The following ARHGEF28 variants were observed in gnomAD, a reference collection of about 807,000 sequenced individuals.
The protein encoded by ARHGEF28 is Rho guanine nucleotide exchange factor 28.
In ARHGEF28, 152 loss-of-function variants were observed where a neutral mutation model predicts 206.6. The observed-to-expected ratio is 0.74, with a 90% CI of 0.64 to 0.84. The LOEUF (loss-of-function observed/expected upper bound fraction) is 0.84, where lower values mean the gene tolerates loss of function less well. Ranked by LOEUF, ARHGEF28 falls within the 40% of genes least tolerant of loss-of-function variation. The pLI is 0.00. For missense variants in ARHGEF28, 2,028 were observed against 2,073.2 expected (o/e 0.98, Z 0.42); for synonymous variants, 763 against 776.4 (o/e 0.98, Z 0.29).
chr5:73,666,868 T>C (rs192400522), intron 1 of ARHGEF28, among the ~76,000 whole-genome samples: 27 of 152,318 alleles, frequency 1.8e-4, no homozygotes, highest in African/African-American at 6.3e-4. Context: ...AACATGAGCA[T>C]GCACAGTTGA....
rs1762923937 is a variant in ARHGEF28 at position 73,911,822 on chromosome 5, G to C, written c.4948+247G>C. ...GAATGCTCACAACATGTGAGAACCA[G>C]ACAGGATTTTTAGATGTGTGGGTTA... On this transcript the variant is annotated intron_variant, in intron 35 of 35. Transcript: ENST00000513042. The C allele has an allele frequency of 6.9e-6, 3 of 432,682 alleles. No individual in the cohort carries two copies. In the South Asian group the frequency reaches 1.5e-4, roughly 22 times the overall value. 26.8% of individuals were successfully genotyped at this position (432,682 alleles called of 1,614,324 possible).
At chr5:73,739,201 T>C (rs1751208235) in intron 2 of ARHGEF28, among the ~76,000 whole-genome samples, 1 of 152,174 alleles carries the variant, frequency 6.6e-6, no homozygotes, top group African/African-American at 2.4e-5. Flanking sequence ...TTATTATAAA[T>C]GTGTTCTTTA....
chr5:73,907,939 G>A (rs1195455937), intron 33 of ARHGEF28, among the ~76,000 whole-genome samples: 1 of 152,132 alleles, frequency 6.6e-6, no homozygotes, highest in Non-Finnish European at 1.5e-5. Context: ...TAAAGTATGG[G>A]ATTTTTGTTT....
intron 2 of ARHGEF28, among the ~76,000 whole-genome samples, chr5:73,745,049 A>T (rs1461167157): frequency 1.3e-5 from 2 of 152,066 alleles, no homozygotes; most frequent in African/African-American, 4.8e-5. Flanking sequence ...ACCCCACTAT[A>T]AAAAGATGTA....
intron 4 of ARHGEF28, among the ~76,000 whole-genome samples, chr5:73,756,824 G>C (rs1179452318): frequency 6.6e-6 from 1 of 152,172 alleles, no homozygotes; most frequent in African/African-American, 2.4e-5. Context: ...TTAGATACTA[G>C]GTAGAAGGAA....
intron 2 of ARHGEF28, among the ~76,000 whole-genome samples, chr5:73,696,149 G>A (rs1245827142): frequency 6.6e-6 from 1 of 152,172 alleles, no homozygotes; most frequent in Non-Finnish European, 1.5e-5. Flanking sequence ...TTGAGTTTCT[G>A]GAGAATCATT....
chr5:73,806,185 T>G (rs1279239943), intron 9 of ARHGEF28, among the ~76,000 whole-genome samples: 1 of 147,952 alleles, frequency 6.8e-6, no homozygotes, highest in Non-Finnish European at 1.5e-5. Flanking sequence ...TAGCAATACC[T>G]GTATATAGTA....
chr5:73,773,426 G>T (rs183996351), intron 4 of ARHGEF28, among the ~76,000 whole-genome samples: 1 of 152,166 alleles, frequency 6.6e-6, no homozygotes, highest in South Asian at 2.1e-4. Flanking sequence ...GGGTGGAAAC[G>T]GAAGTCCCTC....
chr5:73,649,730 G>A (rs1203142653), intron 1 of ARHGEF28, among the ~76,000 whole-genome samples: 1 of 152,182 alleles, frequency 6.6e-6, no homozygotes, highest in Non-Finnish European at 1.5e-5. Context: ...TCAGAAGGGA[G>A]TGTGTGCTTG....
intron 9 of ARHGEF28, among the ~76,000 whole-genome samples, chr5:73,819,662 C>T (rs957978779): frequency 3.3e-5 from 5 of 152,132 alleles, no homozygotes; most frequent in African/African-American, 1.2e-4. Flanking sequence ...TGAGAGGGTC[C>T]TGCCTGTGTT....
intron 1 of ARHGEF28, among the ~76,000 whole-genome samples, chr5:73,674,030 G>A (rs1201668729): frequency 6.6e-6 from 1 of 151,498 alleles, no homozygotes; most frequent in Non-Finnish European, 1.5e-5. Flanking sequence ...AAAAAGGTGG[G>A]TGTGGTGGTA....
chr5:73,659,675 A>G (rs1386238995), intron 1 of ARHGEF28, among the ~76,000 whole-genome samples: 1 of 152,212 alleles, frequency 6.6e-6, no homozygotes, highest in African/African-American at 2.4e-5. Flanking sequence ...CATATCTTGA[A>G]GATATTACAA....
intron 1 of ARHGEF28, among the ~76,000 whole-genome samples, chr5:73,640,021 G>A (rs1743967449): frequency 6.6e-6 from 1 of 152,174 alleles, no homozygotes; most frequent in African/African-American, 2.4e-5. Flanking sequence ...AAAATGAGAT[G>A]CACATACGGG....
At chr5:73,887,494 T>G in intron 25 of ARHGEF28, 109 bp from the exon 26 acceptor site, 1 of 840,778 alleles carries the variant, frequency 1.2e-6, no homozygotes, top group East Asian at 2.7e-5. Context: ...AATACAGGTA[T>G]TTTTATAAAA....
intron 31 of ARHGEF28, 167 bp downstream of exon 31, chr5:73,901,451 A>C: frequency 1.9e-6 from 1 of 525,126 alleles, no homozygotes; most frequent in Non-Finnish European, 3.4e-6. Context: ...TTCTTCTTCA[A>C]ATGTGCTTGC....
Position 73,898,091 on chromosome 5 carries a change from C to T in ARHGEF28, c.3971C>T (p.Ala1324Val). ...CATGATGTACCAGGATCACCGACTG[C>T]CTGTAAGTGAAAATGCAGGCCTTGG... ...SSHDVPGSPT[A>V]SLVTGGREGR... Residue 1324 changes from alanine to valine, a missense_variant and splice_region_variant, in exon 30 of 36, where the codon GCC becomes GTC. Coordinates refer to ENST00000513042, the MANE Select transcript of ARHGEF28 (RefSeq NM_001177693.2). The T allele has an allele frequency of 6.2e-7, 1 of 1,611,008 alleles. No individual in the cohort carries two copies. The highest frequency in any genetic ancestry group is 8.5e-7 in the Non-Finnish European group (1 of 1,178,572).
chr5:73,663,038 C>G (rs1202632534), intron 1 of ARHGEF28, among the ~76,000 whole-genome samples: 1 of 152,174 alleles, frequency 6.6e-6, no homozygotes, highest in African/African-American at 2.4e-5. Context: ...TAACTGCAAC[C>G]TCCGCCTCCC....
chr5:73,893,312 C>A (rs371020609), intron 28 of ARHGEF28, 24 bp downstream of exon 28: 511 of 1,520,924 alleles, frequency 3.4e-4, no homozygotes, highest in Non-Finnish European at 6.5e-5. Flanking sequence ...ACTTCTGGCT[C>A]CCTGGTCGTG....
At position 73,941,981 on chromosome 5, in the gene ARHGEF28, T is replaced by C. The variant is rs1201173093; in HGVS notation, c.*968T>C. The C allele has an allele frequency of 2.0e-5, 3 of 152,220 alleles. No individual in the cohort carries two copies. In the East Asian group the frequency reaches 5.8e-4, roughly 29 times the overall value. 9.4% of individuals were successfully genotyped at this position (152,220 alleles called of 1,614,324 possible). A position where few individuals can be genotyped will look rare whatever the true frequency, so the allele number is the denominator to read the frequency against. On this transcript the variant is annotated 3_prime_UTR_variant, in exon 36 of 36. Coordinates refer to ENST00000513042, the MANE Select transcript of ARHGEF28 (RefSeq NM_001177693.2). ...ATGTATTTTGGTGTCAATAAATATC[T>C]TGTACCTCATTATTTTACTTTGTAA...
Sources: gnomAD v4.1 joint callset for allele counts (sites outside exome capture counted in the v4.1 genomes callset) on GRCh38, gnomAD v4.1.1 for gene constraint, MANE v1.5 for transcripts, NCBI Gene and HGNC (gene_info 2026-07-23, HGNC 2026-07-21) for gene names.